SCFD2: variants seen among roughly 807,000 people sequenced by gnomAD.
SCFD2 encodes sec1 family domain containing 2.
In SCFD2, 54 loss-of-function variants were observed where a neutral mutation model predicts 58.9. The observed-to-expected ratio is 0.92, with a 90% confidence interval of 0.74 to 1.15. The LOEUF (loss-of-function observed/expected upper bound fraction) is 1.15, where lower values mean the gene tolerates loss of function less well. Ranked by LOEUF, SCFD2 falls within the 50% of genes most tolerant of loss-of-function variation. The pLI, the probability that SCFD2 is intolerant of heterozygous loss-of-function variation, is 0.00. For missense variants in SCFD2, 805 were observed against 836.6 expected, an observed-to-expected ratio of 0.96 and a Z score of 0.47; for synonymous variants, 321 against 335.9, an observed-to-expected ratio of 0.96 and a Z score of 0.49.
chr4:53,311,208 T>C (rs528966410), intron 3 of SCFD2, among the ~76,000 whole-genome samples: 5 of 152,304 alleles, frequency 3.3e-5, no homozygotes, highest in African/African-American at 1.2e-4. Flanking sequence ...TAAAGAGTAG[T>C]GGGCACATGG....
chr4:53,225,998 C>G (rs190995325), intron 4 of SCFD2, among the ~76,000 whole-genome samples: 1 of 152,064 alleles, frequency 6.6e-6, no homozygotes, highest in Non-Finnish European at 1.5e-5. Context: ...AATTTGATCT[C>G]GCTGTATTGC....
At chr4:53,036,098 T>C (rs937147555) in intron 5 of SCFD2, among the ~76,000 whole-genome samples, 3 of 152,106 alleles carry the variant, frequency 2.0e-5, no homozygotes, top group Non-Finnish European at 4.4e-5. Flanking sequence ...CTAGGGTACA[T>C]GTGCACAATG....
intron 4 of SCFD2, among the ~76,000 whole-genome samples, chr4:53,167,429 T>C (rs924559740): frequency 6.6e-6 from 1 of 152,192 alleles, no homozygotes; most frequent in African/African-American, 2.4e-5. Context: ...CCAATAGAAT[T>C]TGAAGAATGA....
chr4:52,960,324 G>C (rs1720815008), intron 5 of SCFD2, among the ~76,000 whole-genome samples: 1 of 151,578 alleles, frequency 6.6e-6, no homozygotes, highest in South Asian at 2.1e-4. Context: ...CCAGGCCCAT[G>C]GGCTGCCTGC....
intron 5 of SCFD2, among the ~76,000 whole-genome samples, chr4:53,006,959 T>C (rs1721981957): frequency 6.6e-6 from 1 of 151,976 alleles, no homozygotes. Context: ...TTCCATTTTT[T>C]CAAGAGACAC....
intron 5 of SCFD2, among the ~76,000 whole-genome samples, chr4:53,096,537 T>C (rs1724641113): frequency 6.6e-6 from 1 of 152,212 alleles, no homozygotes; most frequent in Non-Finnish European, 1.5e-5. Flanking sequence ...TGTCTGTTCA[T>C]ATCCTTTGCC....
At chr4:53,137,036 G>A (rs1725963313) in intron 5 of SCFD2, among the ~76,000 whole-genome samples, 2 of 152,220 alleles carry the variant, frequency 1.3e-5, no homozygotes, top group South Asian at 2.1e-4. Context: ...AGAGAAGTCT[G>A]TAATTGTAGC....
intron 4 of SCFD2, among the ~76,000 whole-genome samples, chr4:53,257,642 A>G (rs1298469349): frequency 6.6e-6 from 1 of 152,188 alleles, no homozygotes; most frequent in Non-Finnish European, 1.5e-5. Context: ...TTGATACAAT[A>G]TTGCAAAAAA....
chr4:53,291,614 G>GA lies in SCFD2; in HGVS notation c.1136-17614dup, dbSNP rs566745409. 1.5e-3 allele frequency among the ~76,000 whole-genome samples: 209 copies of GA among 142,712 alleles called. 1 individual carries two copies. The highest frequency in any genetic ancestry group is 3.6e-3 in the Middle Eastern group (1 of 280). 93.6% of individuals were successfully genotyped at this position (142,712 alleles called of 152,430 possible). ...ACGACTGATATTCTTCACAGAATTA[G>GA]AAAAAAAAAAACTATTTTAAAATTC... On this transcript the variant is annotated intron_variant, in intron 3 of 8. Coordinates refer to ENST00000401642, the MANE Select transcript of SCFD2 (RefSeq NM_152540.4).
At chr4:53,120,426 C>T (rs1725447164) in intron 5 of SCFD2, among the ~76,000 whole-genome samples, 1 of 152,140 alleles carries the variant, frequency 6.6e-6, no homozygotes, top group Non-Finnish European at 1.5e-5. Context: ...TGCTCAGGGC[C>T]ACATGATGAA....
At position 53,086,478 on chromosome 4, in the gene SCFD2, C is replaced by T. The variant is rs184816832; in HGVS notation, c.1561+58855G>A. On this transcript the variant is annotated intron_variant, in intron 5 of 8. Transcript: ENST00000401642. ...ACTATGGAGAACAGCTTGGAAGTTCCTCAAAAGACTAAAAACAGAGCTACC... is the reference window on the plus strand; with the variant it reads ...ACTATGGAGAACAGCTTGGAAGTTCTTCAAAAGACTAAAAACAGAGCTACC... Among the ~76,000 whole-genome samples, 712 of 152,258 alleles carry T rather than the reference C, an allele frequency of 4.7e-3. 1 individual carries two copies. Among genetic ancestry groups the T allele is most frequent in the Non-Finnish European group, 8.0e-3 (546 of 68,018 alleles).
chr4:53,271,435 C>CTTTATTTATTTA (rs10524620), intron 4 of SCFD2, among the ~76,000 whole-genome samples: 6,636 of 139,444 alleles, frequency 0.048, 212 homozygotes, highest in Admixed American at 0.06. Context: ...ACATACATCA[C>CTTTATTTATTTA]TTTATTTATT....
chr4:53,051,746 T>C (rs1354451827), intron 5 of SCFD2, among the ~76,000 whole-genome samples: 2 of 152,142 alleles, frequency 1.3e-5, no homozygotes, highest in Non-Finnish European at 2.9e-5. Context: ...GTCCGGAAGT[T>C]TACCACCAAT....
intron 3 of SCFD2, among the ~76,000 whole-genome samples, chr4:53,282,128 G>C (rs1731526243): frequency 6.6e-6 from 1 of 152,030 alleles, no homozygotes; most frequent in Non-Finnish European, 1.5e-5. Context: ...TTTTATTGTA[G>C]GTTCAGGGGT....
intron 8 of SCFD2, among the ~76,000 whole-genome samples, chr4:52,877,714 C>A (rs745315237): frequency 1.3e-5 from 2 of 152,246 alleles, no homozygotes; most frequent in Non-Finnish European, 2.9e-5. Context: ...TCCTTCCACC[C>A]AGCTCACAGT....
At chr4:53,156,831 C>T (rs1018788861) in intron 4 of SCFD2, among the ~76,000 whole-genome samples, 2 of 152,244 alleles carry the variant, frequency 1.3e-5, no homozygotes, top group Admixed American at 6.5e-5. Context: ...ATACTAACGA[C>T]GATGGTTATC....
At chr4:53,213,901 T>C (rs1317832211) in intron 4 of SCFD2, among the ~76,000 whole-genome samples, 3 of 152,056 alleles carry the variant, frequency 2.0e-5, no homozygotes, top group Non-Finnish European at 4.4e-5. Context: ...TGAGAACATG[T>C]GGTGTTTGGT....
chr4:53,075,689 T>G (rs1186073245), intron 5 of SCFD2, among the ~76,000 whole-genome samples: 2 of 152,152 alleles, frequency 1.3e-5, no homozygotes, highest in Admixed American at 6.6e-5. Flanking sequence ...AACAGCCAAT[T>G]GGTGGAGCAG....
At chr4:53,123,343 T>C (rs1195371143) in intron 5 of SCFD2, among the ~76,000 whole-genome samples, 1 of 152,190 alleles carries the variant, frequency 6.6e-6, no homozygotes, top group Non-Finnish European at 1.5e-5. Flanking sequence ...TAGAGCTTTC[T>C]CACTCCCAGG....
Sources: allele counts gnomAD v4.1 joint callset (sites outside exome capture counted in the v4.1 genomes callset), GRCh38; gene constraint gnomAD v4.1.1; transcripts MANE v1.5; gene names NCBI Gene and HGNC (gene_info 2026-07-23, HGNC 2026-07-21).